KCNQ1: variants seen among roughly 807,000 people sequenced by gnomAD.
KCNQ1 encodes potassium voltage-gated channel subfamily Q member 1, also known as potassium voltage-gated channel subfamily KQT member 1.
KCNQ1 carries 49 observed loss-of-function variants against 72.4 expected under a neutral mutation model. The ratio of observed to expected loss-of-function variants is 0.68; its 90% CI spans 0.54 to 0.86. KCNQ1 has a LOEUF of 0.86. Ranked by LOEUF, KCNQ1 falls within the 40% of genes least tolerant of loss-of-function variation. The pLI is 0.00. For missense variants in KCNQ1, 790 were observed against 945.1 expected, an observed-to-expected ratio of 0.84 and a Z score of 2.15; for synonymous variants, 450 against 412.6, an observed-to-expected ratio of 1.09 and a Z score of -1.10.
At position 2,687,591 on chromosome 11, in the gene KCNQ1, A is replaced by G; in HGVS notation, c.1514+25510A>G. ...ACCCCCTGTCAAGGAGGTGTGACTG[A>G]GAAAGGAAGGGGCAGAGATCCCTTC... On this transcript the variant is annotated intron_variant, in intron 11 of 15. Transcript: ENST00000155840. This position sits in a 1 kb window ranked among gnomAD's most constrained non-coding sequence, Gnocchi z 5.0. 2.5e-6 allele frequency: 1 copy of G among 398,654 alleles called. No individual in the cohort carries two copies. Among genetic ancestry groups the G allele is most frequent in the East Asian group, 3.6e-5 (1 of 28,074 alleles). 24.7% of individuals were successfully genotyped at this position (398,654 alleles called of 1,614,324 possible). A position where few individuals can be genotyped will look rare whatever the true frequency, so the allele number is the denominator to read the frequency against.
rs1028561347 is a variant in KCNQ1 at position 2,600,044 on chromosome 11, G to A, written c.1393+11190G>A. ...CAGGCAGGGTTCCTCTTTCCCGGCC[G>A]GCATTCCTGCCCACCAGTCCTGGCA... On this transcript the variant is annotated intron_variant, in intron 10 of 15. Transcript: ENST00000155840. The surrounding 1 kb of genome is among the most constrained non-coding windows in gnomAD (Gnocchi z 5.6). Among the ~76,000 whole-genome samples, 2 of 152,054 alleles carry A rather than the reference G, an allele frequency of 1.3e-5. No individual in the cohort carries two copies. Among genetic ancestry groups the A allele is most frequent in the African/African-American group, 4.8e-5 (2 of 41,400 alleles).
chr11:2,648,607 C>A, intron 10 of KCNQ1: 1 of 398,298 alleles, frequency 2.5e-6, no homozygotes, highest in Non-Finnish European at 4.4e-6. Flanking sequence ...TATTGATTTC[C>A]AGTTTTATTC....
chr11:2,800,705 CCTCT>C (rs1475108342), intron 15 of KCNQ1, among the ~76,000 whole-genome samples: 1 of 152,220 alleles, frequency 6.6e-6, no homozygotes, highest in African/African-American at 2.4e-5. Context: ...CCACACATAG[CCTCT>C]CTGTGACTCA....
At position 2,647,772 on chromosome 11, in the gene KCNQ1, G is replaced by A. The variant is rs891848529; in HGVS notation, c.1394-14189G>A. The A allele has an allele frequency of 7.3e-5, 29 of 398,118 alleles. No individual in the cohort carries two copies. The highest frequency in any genetic ancestry group is 6.2e-4 in the Middle Eastern group (1 of 1,608). 24.7% of individuals were successfully genotyped at this position (398,118 alleles called of 1,614,324 possible). ...TCTCTTTCCTCTAGGTTTTCTAATTGTTGACATATAGTTGTTCATAATGGT... is the reference window on the plus strand; with the variant it reads ...TCTCTTTCCTCTAGGTTTTCTAATTATTGACATATAGTTGTTCATAATGGT... On this transcript the variant is annotated intron_variant, in intron 10 of 15. Coordinates refer to ENST00000155840, the MANE Select transcript of KCNQ1 (RefSeq NM_000218.3). The surrounding 1 kb of genome is among the most constrained non-coding windows in gnomAD (Gnocchi z 4.0).
intron 10 of KCNQ1, chr11:2,656,128 C>T (rs1200749217): frequency 5.0e-6 from 2 of 398,538 alleles, no homozygotes; most frequent in Non-Finnish European, 4.4e-6. Flanking sequence ...GCCTGTGCTC[C>T]ATCGTTCCTT....
intron 6 of KCNQ1, among the ~76,000 whole-genome samples, chr11:2,575,198 T>C (rs1405545692): frequency 6.6e-6 from 1 of 152,118 alleles, no homozygotes; most frequent in Non-Finnish European, 1.5e-5. Flanking sequence ...GCACTCCCAC[T>C]CCCACACCTG....
rs1313702366 is a variant in KCNQ1 at position 2,526,569 on chromosome 11, G to A, written c.387-1359G>A. ...ACAGGAGCTTGGGGAAGGGGGTGGGGGGCCAGAGCCCCACCTTCCCCAGAA... is the reference window on the plus strand; with the variant it reads ...ACAGGAGCTTGGGGAAGGGGGTGGGAGGCCAGAGCCCCACCTTCCCCAGAA... On this transcript the variant is annotated intron_variant, in intron 1 of 15. Coordinates refer to ENST00000155840, the MANE Select transcript of KCNQ1 (RefSeq NM_000218.3). The surrounding 1 kb of genome is among the most constrained non-coding windows in gnomAD (Gnocchi z 6.1). 6.6e-6 allele frequency among the ~76,000 whole-genome samples: 1 copy of A among 152,048 alleles called. No individual in the cohort carries two copies. The highest frequency in any genetic ancestry group is 2.4e-5 in the African/African-American group (1 of 41,404).
chr11:2,501,718 C>CAAAAAAAAAAAAAAA (rs55865890), intron 1 of KCNQ1, among the ~76,000 whole-genome samples: 18 of 68,906 alleles, frequency 2.6e-4, no homozygotes, highest in East Asian at 4.5e-4. Flanking sequence ...AAAGATACAT[C>CAAAAAAAAAAAAAAA]AAAAAAAAAA....
rs1050347026 is a variant in KCNQ1, at chr11:2,712,539, C to T, written c.1514+50458C>T. 4.6e-5 allele frequency among the ~76,000 whole-genome samples: 7 copies of T among 152,086 alleles called. No homozygotes were observed. The highest frequency in any genetic ancestry group is 1.3e-4 in the Admixed American group (2 of 15,284). ...TTCCCGAAGCCACCAGGCCAGACAC[C>T]GCCCCAGCTGAATGCATGCTGGCGG... On this transcript the variant is annotated intron_variant, in intron 11 of 15. Transcript: ENST00000155840. The surrounding 1 kb of genome is among the most constrained non-coding windows in gnomAD (Gnocchi z 6.4).
At chr11:2,594,023 T>C (rs961251350) in intron 10 of KCNQ1, among the ~76,000 whole-genome samples, 6 of 152,222 alleles carry the variant, frequency 3.9e-5, no homozygotes, top group African/African-American at 1.4e-4. Flanking sequence ...CAATCCTCTT[T>C]TTGTTGATGC....
In KCNQ1 at chr11:2,661,921, G is replaced by C. The variant is rs765230551; in HGVS notation, c.1394-40G>C. On this transcript the variant is annotated intron_variant, in intron 10 of 15. Transcript: ENST00000155840. The surrounding 1 kb of genome is among the most constrained non-coding windows in gnomAD (Gnocchi z 5.9). The stretch of plus-strand genomic sequence containing the variant: ...TGGCTCCACAGCACTGGCAGGTTGG[G>C]TGGGAGGCCTAACGTGCTGTCCCCA... The C allele has an allele frequency of 3.1e-6, 5 of 1,613,722 alleles. No homozygotes were observed. The highest frequency in any genetic ancestry group is 2.7e-5 in the African/African-American group (2 of 74,908).
chr11:2,566,169 C>T lies in KCNQ1; in HGVS notation c.478-4459C>T, dbSNP rs1375323324. Among the ~76,000 whole-genome samples, 4 of 152,198 alleles carry T rather than the reference C, an allele frequency of 2.6e-5. No individual in the cohort carries two copies. The highest frequency in any genetic ancestry group is 4.4e-5 in the Non-Finnish European group (3 of 68,036). ...CCTCTCTCTCCCAGGGCCACTTTTG[C>T]AGCCTGGTGTCCTTATCTCATGTCT... On this transcript the variant is annotated intron_variant, in intron 2 of 15. Transcript: ENST00000155840. This position sits in a 1 kb window ranked among gnomAD's most constrained non-coding sequence, Gnocchi z 6.7.
At chr11:2,732,980 C>T (rs557797625) in intron 11 of KCNQ1, among the ~76,000 whole-genome samples, 229 of 152,270 alleles carry the variant, frequency 1.5e-3, no homozygotes, top group Middle Eastern at 6.8e-3. Flanking sequence ...CACCCACAGG[C>T]AGCAAGCCAG....
rs1295407191 is a variant in KCNQ1 at position 2,491,587 on chromosome 11, A to G, written c.387-36341A>G. Among the ~76,000 whole-genome samples the G allele has an allele frequency of 6.6e-6, 1 of 152,208 alleles. No homozygotes were observed. Among genetic ancestry groups the G allele is most frequent in the African/African-American group, 2.4e-5 (1 of 41,456 alleles). The stretch of plus-strand genomic sequence containing the variant: ...GAAGCATGATCTAGAAAATAGCCTC[A>G]AAAGGGCAAATCTAAGATTTATTGA... On this transcript the variant is annotated intron_variant, in intron 1 of 15. Transcript: ENST00000155840. This position sits in a 1 kb window ranked among gnomAD's most constrained non-coding sequence, Gnocchi z 4.1.
intron 10 of KCNQ1, chr11:2,640,985 A>G (rs1159457840): frequency 2.5e-6 from 1 of 398,500 alleles, no homozygotes; most frequent in African/African-American, 2.1e-5. Context: ...TGTTGCTGCA[A>G]AGGACATGAT....
chr11:2,733,774 CCACACACACACACACACACACACA>C (rs144399150), intron 11 of KCNQ1, among the ~76,000 whole-genome samples: 2 of 57,568 alleles, frequency 3.5e-5, no homozygotes, highest in Admixed American at 1.9e-4. Flanking sequence ...TTCAGGCCTT[CCACACACACACACACACACACACA>C]CACACACACA....
Position 2,603,579 on chromosome 11 carries a change from C to A in KCNQ1, c.1393+14725C>A, listed in dbSNP as rs955222285. On this transcript the variant is annotated intron_variant, in intron 10 of 15. Transcript: ENST00000155840. This position sits in a 1 kb window ranked among gnomAD's most constrained non-coding sequence, Gnocchi z 4.1. ...CCTAGGCAATAACTAATCTTTCTCT[C>A]TATGGGTTTGCCTATTCTGGACATT... is the stretch of plus-strand genomic sequence containing the variant. Among the ~76,000 whole-genome samples the A allele has an allele frequency of 6.6e-5, 10 of 152,128 alleles. No individual in the cohort carries two copies. The highest frequency in any genetic ancestry group is 1.9e-4 in the African/African-American group (8 of 41,422).
chr11:2,575,839 C>T (rs1848415200), intron 6 of KCNQ1, among the ~76,000 whole-genome samples: 1 of 152,178 alleles, frequency 6.6e-6, no homozygotes, highest in African/African-American at 2.4e-5. Context: ...ACAACAAAGT[C>T]CGCGAACTGC....
rs1217891685 is a variant in KCNQ1, at chr11:2,591,265, C to A, written c.1393+2411C>A. 1.3e-5 allele frequency among the ~76,000 whole-genome samples: 2 copies of A among 152,236 alleles called. 1 individual carries two copies. Among genetic ancestry groups the A allele is most frequent in the South Asian group, 4.1e-4 (2 of 4,832 alleles). On this transcript the variant is annotated intron_variant, in intron 10 of 15. Coordinates refer to ENST00000155840, the MANE Select transcript of KCNQ1 (RefSeq NM_000218.3). ...CCTTGGCAGGAGGCTGGGTGGTGTTCCCTGCCCCTTGGGGCTTTCCTGGGC... is the reference window on the plus strand; with the variant it reads ...CCTTGGCAGGAGGCTGGGTGGTGTTACCTGCCCCTTGGGGCTTTCCTGGGC...
Sources: allele counts gnomAD v4.1 joint callset (sites outside exome capture counted in the v4.1 genomes callset), GRCh38; gene constraint gnomAD v4.1.1; non-coding constraint Gnocchi (gnomAD v3.1); transcripts MANE v1.5; gene names NCBI Gene and HGNC (gene_info 2026-07-23, HGNC 2026-07-21).